LGSN: variants seen among roughly 807,000 people sequenced by gnomAD.
LGSN encodes the protein lengsin, lens protein with glutamine synthetase domain.
In LGSN, 21 loss-of-function variants were observed where a neutral mutation model predicts 19.5. The ratio of observed to expected loss-of-function variants is 1.07; its 90% CI spans 0.76 to 1.55. The LOEUF (loss-of-function observed/expected upper bound fraction) is 1.55, where lower values mean the gene tolerates loss of function less well. Among genes scored for constraint, LGSN ranks in the 40% most tolerant of loss-of-function variants. The pLI is 0.00. For synonymous variants in LGSN, 257 were observed against 215.6 expected (o/e 1.19, Z -1.68); for missense variants, 673 against 608.5 (o/e 1.11, Z -1.12).
intron 3 of LGSN, among the ~76,000 whole-genome samples, chr6:63,281,859 G>A (rs1407863409): frequency 6.6e-6 from 1 of 152,156 alleles, no homozygotes; most frequent in Non-Finnish European, 1.5e-5. Context: ...CAGAACCCTT[G>A]TCCATGAATG....
At chr6:63,549,608 A>T in the LGSN span, 1 of 534,516 alleles carries the variant, frequency 1.9e-6, no homozygotes, top group Non-Finnish European at 3.3e-6. Flanking sequence ...ATATATACAC[A>T]ATGGAATACT....
chr6:63,515,490 C>A, the LGSN span, among the ~76,000 whole-genome samples: 38 of 152,140 alleles, frequency 2.5e-4, no homozygotes, highest in African/African-American at 6.5e-4. Flanking sequence ...CTCAGCCTCC[C>A]AAAGTGCTGA....
chr6:63,504,129 T>G, the LGSN span, among the ~76,000 whole-genome samples: 1 of 152,110 alleles, frequency 6.6e-6, no homozygotes, highest in Non-Finnish European at 1.5e-5. Context: ...TCAACCCATA[T>G]TTAATAAAAT....
chr6:63,396,289 T>C, the LGSN span: 1 of 186,012 alleles, frequency 5.4e-6, no homozygotes, highest in Non-Finnish European at 1.2e-5. Flanking sequence ...ATGAATCAGC[T>C]GTCTAGGTCC....
At chr6:63,349,015 G>A in the LGSN span, among the ~76,000 whole-genome samples, 1 of 152,180 alleles carries the variant, frequency 6.6e-6, no homozygotes, top group Non-Finnish European at 1.5e-5. Context: ...TTCCTGTAAA[G>A]TTGAAGATAA....
chr6:63,419,880 CAAAAAAAAAAAAA>C, the LGSN span, among the ~76,000 whole-genome samples: 15 of 57,332 alleles, frequency 2.6e-4, no homozygotes, highest in East Asian at 9.3e-4. Flanking sequence ...AACTCCCTCC[CAAAAAAAAAAAAA>C]AAAAAAAAAA....
the LGSN span, among the ~76,000 whole-genome samples, chr6:63,526,823 ATATATATATATATT>A: frequency 7.0e-6 from 1 of 143,474 alleles, no homozygotes; most frequent in African/African-American, 2.6e-5. Flanking sequence ...ATATATATAT[ATATATATATATATT>A]TATTTATTTA....
At chr6:63,427,060 T>C in the LGSN span, among the ~76,000 whole-genome samples, 7 of 150,686 alleles carry the variant, frequency 4.6e-5, no homozygotes, top group South Asian at 2.1e-4. Context: ...TTTTTTTTTT[T>C]CTCCTGAGAC....
the LGSN span, among the ~76,000 whole-genome samples, chr6:63,573,055 G>A: frequency 2.1e-4 from 32 of 152,086 alleles, no homozygotes; most frequent in South Asian, 6.6e-3. Context: ...GCAGCGGGCC[G>A]GGTGGGTGGC....
the LGSN span, among the ~76,000 whole-genome samples, chr6:63,534,725 A>T: frequency 6.7e-6 from 1 of 149,498 alleles, no homozygotes; most frequent in South Asian, 2.1e-4. Context: ...AGGCAGGTGG[A>T]TCACCTGAGG....
chr6:63,562,048 C>CATCA, the LGSN span, among the ~76,000 whole-genome samples: 1 of 152,092 alleles, frequency 6.6e-6, no homozygotes, highest in Admixed American at 6.6e-5. Context: ...AATTGTTTAT[C>CATCA]ATCACATCAC....
the LGSN span, among the ~76,000 whole-genome samples, chr6:63,556,477 T>C: frequency 6.6e-6 from 1 of 152,158 alleles, no homozygotes; most frequent in African/African-American, 2.4e-5. Flanking sequence ...CACTATGCTC[T>C]GCCTAATAAA....
upstream of LGSN, among the ~76,000 whole-genome samples, chr6:63,322,460 C>T (rs150699012): frequency 5.3e-5 from 8 of 152,240 alleles, no homozygotes; most frequent in Admixed American, 2.6e-4. Flanking sequence ...ATAACAACCA[C>T]GACAGAAGGA....
the LGSN span, among the ~76,000 whole-genome samples, chr6:63,375,911 C>T: frequency 5.9e-5 from 9 of 152,090 alleles, no homozygotes; most frequent in Non-Finnish European, 1.3e-4. Context: ...TAATCACTTT[C>T]TACATATTAT....
At chr6:63,399,565 C>A in the LGSN span, among the ~76,000 whole-genome samples, 1 of 150,504 alleles carries the variant, frequency 6.6e-6, no homozygotes, top group Non-Finnish European at 1.5e-5. Flanking sequence ...TGGCTAATTT[C>A]TTGTATTTTT....
chr6:63,457,599 C>T, the LGSN span, among the ~76,000 whole-genome samples: 188 of 152,222 alleles, frequency 1.2e-3, 1 homozygote, highest in Non-Finnish European at 2.4e-3. Context: ...CAAATCAGGC[C>T]GGGCATGGTG....
chr6:63,454,793 C>CTTTTTTTTTTT, the LGSN span, among the ~76,000 whole-genome samples: 13 of 91,740 alleles, frequency 1.4e-4, no homozygotes, highest in Non-Finnish European at 2.2e-4. Flanking sequence ...TTTTCTTTTT[C>CTTTTTTTTTTT]TTTTTTTTTT....
the LGSN span, among the ~76,000 whole-genome samples, chr6:63,346,186 T>C: frequency 6.6e-6 from 1 of 151,848 alleles, no homozygotes; most frequent in African/African-American, 2.4e-5. Context: ...TGAAATTTCC[T>C]GGGTGATAGG....
the LGSN span, among the ~76,000 whole-genome samples, chr6:63,453,685 G>A: frequency 2.0e-5 from 3 of 151,748 alleles, no homozygotes; most frequent in African/African-American, 4.8e-5. Context: ...ACAGAGTCTC[G>A]CTCTGTTGCC....
Sources: gnomAD v4.1 joint callset for allele counts (sites outside exome capture counted in the v4.1 genomes callset) on GRCh38, gnomAD v4.1.1 for gene constraint, MANE v1.5 for transcripts, NCBI Gene and HGNC (gene_info 2026-07-23, HGNC 2026-07-21) for gene names.